The following NCOA3 variants were observed in gnomAD, a reference collection of about 807,000 sequenced individuals.
NCOA3 encodes the protein CBP-interacting protein.
Under a neutral mutation model 158.8 loss-of-function variants are expected in NCOA3, and 51 were observed. The ratio of observed to expected loss-of-function variants is 0.32; its 90% confidence interval spans 0.26 to 0.41. NCOA3 has a LOEUF of 0.41. NCOA3 is among the 10% of genes least tolerant of loss of function. The pLI, the probability that NCOA3 is intolerant of heterozygous loss-of-function variation, is 1.00. For missense variants in NCOA3, 1,510 were observed against 1,746.6 expected (o/e 0.86, Z 2.41); for synonymous variants, 537 against 592.4 (o/e 0.91, Z 1.36).
chr20:47,594,949 G>A (rs1393872680), intron 2 of NCOA3, among the ~76,000 whole-genome samples: 2 of 151,322 alleles, frequency 1.3e-5, no homozygotes, highest in South Asian at 2.1e-4. Flanking sequence ...CCGCCACCAC[G>A]ACTGGCTAAT....
At chr20:47,522,541 CCA>C (rs1040210564) in intron 1 of NCOA3, among the ~76,000 whole-genome samples, 1 of 151,926 alleles carries the variant, frequency 6.6e-6, no homozygotes, top group Middle Eastern at 3.2e-3. Context: ...TCCCCACCTG[CCA>C]CAGATACCAG....
At position 47,639,664 on chromosome 20, in the gene NCOA3, C is replaced by G; in HGVS notation, c.2795C>G (p.Pro932Arg). 6.2e-7 allele frequency: 1 copy of G among 1,614,048 alleles called. No homozygotes were observed. Among genetic ancestry groups the G allele is most frequent in the Admixed American group, 1.7e-5 (1 of 60,016 alleles). The change falls in exon 15 of 23, where the codon CCT becomes CGT. Residue 932 changes from proline (P) to arginine (R), a missense_variant. Around this residue, in one of 4 missense-constraint regions of NCOA3, gnomAD observed 1,017 missense variants for 1,098.3 expected, o/e 0.93. Coordinates refer to ENST00000371998, the MANE Select transcript of NCOA3 (RefSeq NM_181659.3). ...LPNSKAGRME[P>R]MNSNSMGRPG... ...AACTCAAAGGCCGGCAGAATGGAAC[C>G]TATGAATTCAAACTCCATGGGAAGA...
At chr20:47,610,273 A>G (rs1293534520) in intron 2 of NCOA3, among the ~76,000 whole-genome samples, 1 of 152,102 alleles carries the variant, frequency 6.6e-6, no homozygotes, top group Non-Finnish European at 1.5e-5. Context: ...CCCCCAGGCC[A>G]GAGTGCGGTG....
At chr20:47,610,573 C>T (rs902765124) in intron 2 of NCOA3, among the ~76,000 whole-genome samples, 1 of 152,064 alleles carries the variant, frequency 6.6e-6, no homozygotes, top group African/African-American at 2.4e-5. Flanking sequence ...TTAATGATTA[C>T]TGAAGAGTAA....
In NCOA3 at chr20:47,627,692, G is replaced by C. The variant is rs758692693; in HGVS notation, c.664G>C (p.Glu222Gln). 1.2e-6 allele frequency: 2 copies of C among 1,614,188 alleles called. No individual in the cohort carries two copies. The highest frequency in any genetic ancestry group is 1.7e-6 in the Non-Finnish European group (2 of 1,180,032). The change falls in exon 7 of 23, where the codon GAA (glutamate) becomes CAA (glutamine). Residue 222 changes from glutamate to glutamine, a missense_variant. Physicochemically the swap from Glu to Gln is conservative, Grantham distance 29. Coordinates refer to ENST00000371998, the MANE Select transcript of NCOA3 (RefSeq NM_181659.3). ...NASPEMRQRY[E>Q]TMQCFALSQP... ...CAGTCCTGAAATGCGCCAGAGATAT[G>C]AAACAATGCAGTGCTTTGCCCTGTC...
At chr20:47,641,249 T>A (rs1204749200) in intron 16 of NCOA3, among the ~76,000 whole-genome samples, 1 of 152,094 alleles carries the variant, frequency 6.6e-6, no homozygotes, top group African/African-American at 2.4e-5. Context: ...CTTGCCAATA[T>A]GAGCTCTGTG....
At chr20:47,541,718 T>G (rs1190220978) in intron 1 of NCOA3, among the ~76,000 whole-genome samples, 2 of 151,514 alleles carry the variant, frequency 1.3e-5, no homozygotes, top group African/African-American at 4.8e-5. Context: ...AAGCAAATAC[T>G]AGACATTATA....
At chr20:47,600,524 G>T (rs546928678) in intron 2 of NCOA3, among the ~76,000 whole-genome samples, 1 of 148,716 alleles carries the variant, frequency 6.7e-6, no homozygotes, top group Non-Finnish European at 1.5e-5. Flanking sequence ...TTTGGCGGGC[G>T]TGTGGGTTGG....
intron 1 of NCOA3, among the ~76,000 whole-genome samples, chr20:47,508,747 A>G (rs1461175820): frequency 1.3e-5 from 2 of 152,226 alleles, no homozygotes; most frequent in Non-Finnish European, 2.9e-5. Context: ...TTTGATTAAA[A>G]AGAAATCTAC....
At chr20:47,503,500 G>C (rs367601723) in intron 1 of NCOA3, among the ~76,000 whole-genome samples, 18 of 152,224 alleles carry the variant, frequency 1.2e-4, no homozygotes, top group African/African-American at 4.1e-4. Flanking sequence ...CTGGTTTTTA[G>C]AATATCCTTG....
At chr20:47,503,037 T>C (rs2083966719) in intron 1 of NCOA3, among the ~76,000 whole-genome samples, 1 of 152,190 alleles carries the variant, frequency 6.6e-6, no homozygotes, top group South Asian at 2.1e-4. Flanking sequence ...CAACCTGTTT[T>C]TGTTATTAAG....
chr20:47,648,580 A>G (rs941327498), intron 18 of NCOA3, among the ~76,000 whole-genome samples: 4 of 152,008 alleles, frequency 2.6e-5, no homozygotes, highest in African/African-American at 9.7e-5. Context: ...TCAGGTGATC[A>G]TTCCACCTCA....
intron 3 of NCOA3, chr20:47,623,111 A>C (rs1199984245): frequency 6.6e-6 from 1 of 152,220 alleles, no homozygotes; most frequent in Non-Finnish European, 1.5e-5. Flanking sequence ...AAGTGAAATG[A>C]GAAGCTTAAA....
chr20:47,531,641 C>T (rs2084549481), intron 1 of NCOA3, among the ~76,000 whole-genome samples: 1 of 152,162 alleles, frequency 6.6e-6, no homozygotes, highest in Non-Finnish European at 1.5e-5. Flanking sequence ...TGTACAGTCT[C>T]ATCCTTCCTC....
At chr20:47,625,806 A>T (rs978886893) in intron 5 of NCOA3, among the ~76,000 whole-genome samples, 2 of 152,166 alleles carry the variant, frequency 1.3e-5, no homozygotes, top group Non-Finnish European at 2.9e-5. Context: ...GGCCCTTCAT[A>T]TCCATGGGTT....
At chr20:47,606,301 G>C (rs2085946833) in intron 2 of NCOA3, among the ~76,000 whole-genome samples, 1 of 152,182 alleles carries the variant, frequency 6.6e-6, no homozygotes, top group Non-Finnish European at 1.5e-5. Flanking sequence ...ACATGGTTAA[G>C]ACTATTCTCA....
chr20:47,516,927 A>AG (rs1245147355), intron 1 of NCOA3, among the ~76,000 whole-genome samples: 4 of 150,580 alleles, frequency 2.7e-5, no homozygotes, highest in East Asian at 4.0e-4. Context: ...CTTAAAAAAA[A>AG]AAAAAAAAAA....
At chr20:47,607,408 G>A (rs1168571514) in intron 2 of NCOA3, among the ~76,000 whole-genome samples, 2 of 152,172 alleles carry the variant, frequency 1.3e-5, no homozygotes, top group Non-Finnish European at 2.9e-5. Context: ...ACTTAAATCT[G>A]TATAACAAGC....
At chr20:47,618,822 C>A (rs545788889) in intron 2 of NCOA3, among the ~76,000 whole-genome samples, 1 of 152,310 alleles carries the variant, frequency 6.6e-6, no homozygotes, top group South Asian at 2.1e-4. Flanking sequence ...TCATTATATG[C>A]ACATAAACAT....
Sources: allele counts gnomAD v4.1 joint callset (sites outside exome capture counted in the v4.1 genomes callset), GRCh38; gene constraint gnomAD v4.1.1; regional missense constraint gnomAD v4.1.1; transcripts MANE v1.5; gene names NCBI Gene and HGNC (gene_info 2026-07-23, HGNC 2026-07-21).